CACNA1C: variants seen among roughly 807,000 people sequenced by gnomAD.
The protein encoded by CACNA1C is calcium voltage-gated channel subunit alpha1 C.
Under a neutral mutation model 229.0 loss-of-function variants are expected in CACNA1C, and 30 were observed. The observed-to-expected ratio is 0.13, with a 90% CI of 0.10 to 0.18. CACNA1C has a LOEUF of 0.18. Ranked by LOEUF, CACNA1C falls within the 10% of genes least tolerant of loss-of-function variation. CACNA1C has a pLI of 1.00. For synonymous variants in CACNA1C, 1,114 were observed against 1,132.5 expected (o/e 0.98, Z 0.33); for missense variants, 1,658 against 2,845.0 (o/e 0.58, Z 9.49).
Position 2,556,965 on chromosome 12 carries a change from A to T in CACNA1C, c.1496A>T (p.Lys499Met). ...CGARLAHRIS[K>M]SKFSRYWRRW... ...TTCTTTTTCAGCCACCGGATCTCCA[A>T]GTCAAAGTTCAGGTGAGTGAGACTC... is the stretch of plus-strand genomic sequence containing the variant. Residue 499 changes from lysine to methionine, a missense_variant, in exon 11 of 47, where the codon AAG (lysine) becomes ATG (methionine). Physicochemically the swap from Lys to Met is moderately conservative, Grantham distance 95. Transcript: ENST00000399655. 1 of 1,613,058 alleles carries T rather than the reference A, an allele frequency of 6.2e-7. No homozygotes were observed.
In CACNA1C at chr12:2,602,124, T is replaced by C. The variant is rs1287078606; in HGVS notation, c.2960+164T>C. Among the ~76,000 whole-genome samples, 4 of 152,196 alleles carry C rather than the reference T, an allele frequency of 2.6e-5. No homozygotes were observed. Among genetic ancestry groups the C allele is most frequent in the Admixed American group, 1.3e-4 (2 of 15,288 alleles). On this transcript the variant is annotated intron_variant, in intron 22 of 46. Transcript: ENST00000399655. The surrounding 1 kb of genome is among the most constrained non-coding windows in gnomAD (Gnocchi z 4.4). ...TGGTGGCTTTGGGTTCTTGGTTCTG[T>C]GTCCTCAGTGGTCTGATACTTGGGG...
At position 2,287,329 on chromosome 12, in the gene CACNA1C, C is replaced by T. The variant is rs1035110942; in HGVS notation, c.478-161647C>T. On this transcript the variant is annotated intron_variant, in intron 3 of 46. Coordinates refer to ENST00000399655, the MANE Select transcript of CACNA1C (RefSeq NM_000719.7). The surrounding 1 kb of genome is among the most constrained non-coding windows in gnomAD (Gnocchi z 4.6). Reference sequence around the variant, plus strand: ...TTGCGACCCGTGCCTCATGGAGTGTCGCTGGATACGCGATCAGTGTCCCTT... The same window carrying T: ...TTGCGACCCGTGCCTCATGGAGTGTTGCTGGATACGCGATCAGTGTCCCTT... Among the ~76,000 whole-genome samples the T allele has an allele frequency of 2.0e-5, 3 of 152,166 alleles. 1 individual carries two copies. Among genetic ancestry groups the T allele is most frequent in the Admixed American group, 2.0e-4 (3 of 15,282 alleles).
At chr12:2,367,243 G>C (rs186902718) in intron 3 of CACNA1C, among the ~76,000 whole-genome samples, 2 of 152,126 alleles carry the variant, frequency 1.3e-5, no homozygotes, top group Non-Finnish European at 2.9e-5. Context: ...AATAGTGCTC[G>C]AGCTCTTATG....
chr12:2,428,926 G>C (rs535658571), intron 3 of CACNA1C, among the ~76,000 whole-genome samples: 1 of 152,310 alleles, frequency 6.6e-6, no homozygotes, highest in African/African-American at 2.4e-5. Context: ...TAAGGTTGCT[G>C]TCACAAAGTA....
chr12:2,226,125 GCACA>G (rs59055471), intron 3 of CACNA1C, among the ~76,000 whole-genome samples: 20,426 of 142,618 alleles, frequency 0.14, 1,538 homozygotes, highest in East Asian at 0.32. Flanking sequence ...ATGGGGACGC[GCACA>G]CACACACACA....
At chr12:2,676,865 G>C (rs376830279) in intron 39 of CACNA1C, 1 of 349,430 alleles carries the variant, frequency 2.9e-6, no homozygotes, top group Non-Finnish European at 5.3e-6. Flanking sequence ...GAAACTAGAT[G>C]ATCTACAGGA....
intron 3 of CACNA1C, among the ~76,000 whole-genome samples, chr12:2,369,615 G>T (rs935450874): frequency 1.3e-5 from 2 of 152,054 alleles, no homozygotes; most frequent in South Asian, 2.1e-4. Context: ...TGTTGGCCAG[G>T]CTGGTCTTGA....
At chr12:2,103,326 T>C (rs2077084344) in intron 1 of CACNA1C, among the ~76,000 whole-genome samples, 1 of 152,258 alleles carries the variant, frequency 6.6e-6, no homozygotes, top group African/African-American at 2.4e-5. Flanking sequence ...TGCATTTCTT[T>C]AATGACCAGT....
chr12:2,042,486 A>G (rs1031356704), intron 1 of CACNA1C, among the ~76,000 whole-genome samples: 1 of 152,220 alleles, frequency 6.6e-6, no homozygotes, highest in Admixed American at 6.5e-5. Flanking sequence ...TATATTTTAC[A>G]TGATCGAAGG....
chr12:2,500,505 C>T (rs1397307584), intron 7 of CACNA1C, among the ~76,000 whole-genome samples: 1 of 152,174 alleles, frequency 6.6e-6, no homozygotes, highest in Non-Finnish European at 1.5e-5. Flanking sequence ...GAGGAAGTTG[C>T]CTGGGCGCCA....
chr12:2,361,084 G>T (rs1256786692), intron 3 of CACNA1C, among the ~76,000 whole-genome samples: 1 of 151,668 alleles, frequency 6.6e-6, no homozygotes, highest in African/African-American at 2.4e-5. Context: ...TTCATGGGGA[G>T]ACTAGGAAGG....
At chr12:2,572,357 TCC>T (rs2055341416) in intron 13 of CACNA1C, among the ~76,000 whole-genome samples, 2 of 48,240 alleles carry the variant, frequency 4.1e-5, no homozygotes, top group African/African-American at 8.1e-5. Flanking sequence ...CCTCCTCCTC[TCC>T]TCCTCCTTCT....
At chr12:2,283,828 G>C (rs950259918) in intron 3 of CACNA1C, among the ~76,000 whole-genome samples, 3 of 152,214 alleles carry the variant, frequency 2.0e-5, no homozygotes, top group Non-Finnish European at 4.4e-5. Context: ...CCTTCCTCCT[G>C]AGTTAGCAGC....
chr12:2,583,552 G>A (rs1211076207), intron 15 of CACNA1C, among the ~76,000 whole-genome samples: 2 of 152,178 alleles, frequency 1.3e-5, no homozygotes, highest in African/African-American at 4.8e-5. Flanking sequence ...CCAGAGCCAG[G>A]GGTAACATAG....
At chr12:2,503,172 G>C (rs1446152711) in intron 7 of CACNA1C, among the ~76,000 whole-genome samples, 2 of 152,206 alleles carry the variant, frequency 1.3e-5, no homozygotes, top group Non-Finnish European at 2.9e-5. Flanking sequence ...TCAAAACGTG[G>C]GTTGCTGGGC....
chr12:2,054,366 C>A lies in CACNA1C; in HGVS notation c.49+755C>A, dbSNP rs1317643120. Among the ~76,000 whole-genome samples the A allele has an allele frequency of 6.6e-6, 1 of 152,182 alleles. No homozygotes were observed. Among genetic ancestry groups the A allele is most frequent in the Non-Finnish European group, 1.5e-5 (1 of 68,038 alleles). On this transcript the variant is annotated intron_variant, in intron 1 of 46. Coordinates refer to ENST00000399655, the MANE Select transcript of CACNA1C (RefSeq NM_000719.7). The surrounding 1 kb of genome is among the most constrained non-coding windows in gnomAD (Gnocchi z 5.5). Reference sequence around the variant, plus strand: ...GTGGGCTAGCACCTGAGGATGGAAGCGGCGAGGAGCCGGGCGGTGTGTGGG... The same window carrying A: ...GTGGGCTAGCACCTGAGGATGGAAGAGGCGAGGAGCCGGGCGGTGTGTGGG...
At chr12:2,038,022 T>C (rs2049442221) in intron 1 of CACNA1C, among the ~76,000 whole-genome samples, 1 of 152,234 alleles carries the variant, frequency 6.6e-6, no homozygotes, top group South Asian at 2.1e-4. Flanking sequence ...CAATATTCTT[T>C]TCTCTCATTA....
intron 3 of CACNA1C, among the ~76,000 whole-genome samples, chr12:2,345,862 A>G (rs1475228846): frequency 2.6e-5 from 4 of 152,088 alleles, no homozygotes; most frequent in African/African-American, 9.7e-5. Flanking sequence ...TTGAACCTTC[A>G]TGAACTTTTC....
intron 3 of CACNA1C, among the ~76,000 whole-genome samples, chr12:2,121,438 A>G (rs1285144181): frequency 1.3e-5 from 2 of 152,238 alleles, no homozygotes; most frequent in African/African-American, 4.8e-5. Flanking sequence ...GCAAAAAAAA[A>G]TATGATGCAC....
Sources: gnomAD v4.1 joint callset for allele counts (sites outside exome capture counted in the v4.1 genomes callset) on GRCh38, gnomAD v4.1.1 for gene constraint, Gnocchi (gnomAD v3.1) non-coding constraint, MANE v1.5 for transcripts, NCBI Gene and HGNC (gene_info 2026-07-23, HGNC 2026-07-21) for gene names.